Variants in SCAPER observed in about 807,000 individuals in gnomAD.
SCAPER encodes S-phase cyclin A associated protein in the ER.
In SCAPER, 98 loss-of-function variants were observed where a neutral mutation model predicts 182.2. The ratio of observed to expected loss-of-function variants is 0.54; its 90% CI spans 0.46 to 0.64. SCAPER has a LOEUF of 0.64. Among genes scored for constraint, SCAPER ranks in the 30% least tolerant of loss-of-function variants. The probability of loss-of-function intolerance (pLI) is 0.00; values close to 1 mark genes in which losing one functional copy is unlikely to be tolerated. For synonymous variants in SCAPER, 605 were observed against 564.6 expected, an observed-to-expected ratio of 1.07 and a Z score of -1.01; for missense variants, 1,432 against 1,690.0, an observed-to-expected ratio of 0.85 and a Z score of 2.68.
intron 26 of SCAPER, among the ~76,000 whole-genome samples, chr15:76,431,728 G>A (rs55831658): frequency 1.2e-4 from 15 of 121,242 alleles, no homozygotes; most frequent in Non-Finnish European, 2.2e-4. Flanking sequence ...AAACTAGGCA[G>A]ATGTGAAATA....
intron 23 of SCAPER, among the ~76,000 whole-genome samples, chr15:76,573,782 G>T (rs917341029): frequency 6.6e-6 from 1 of 152,038 alleles, no homozygotes; most frequent in Non-Finnish European, 1.5e-5. Flanking sequence ...GGAATCAGGG[G>T]ATATTGGTGT....
At chr15:76,622,826 G>A (rs944305468) in intron 21 of SCAPER, among the ~76,000 whole-genome samples, 2 of 152,134 alleles carry the variant, frequency 1.3e-5, no homozygotes, top group Non-Finnish European at 2.9e-5. Context: ...ATATAATTTA[G>A]ATATTTGTCC....
intron 27 of SCAPER, among the ~76,000 whole-genome samples, chr15:76,387,304 T>A (rs2043353446): frequency 6.6e-6 from 1 of 152,212 alleles, no homozygotes; most frequent in Non-Finnish European, 1.5e-5. Context: ...CTATTATACA[T>A]CACAGTGGAG....
At chr15:76,619,459 CG>C (rs1567617767) in intron 22 of SCAPER, among the ~76,000 whole-genome samples, 1 of 152,054 alleles carries the variant, frequency 6.6e-6, no homozygotes, top group Admixed American at 6.6e-5. Flanking sequence ...AGTGGAATGG[CG>C]GGGAGTATGT....
intron 23 of SCAPER, among the ~76,000 whole-genome samples, chr15:76,557,330 G>T (rs1819762477): frequency 6.6e-6 from 1 of 152,180 alleles, no homozygotes; most frequent in East Asian, 1.9e-4. Context: ...AACTAAGCTG[G>T]AGATATCACA....
intron 8 of SCAPER, among the ~76,000 whole-genome samples, chr15:76,776,072 T>C (rs975634159): frequency 5.9e-5 from 9 of 152,114 alleles, no homozygotes; most frequent in Non-Finnish European, 7.4e-5. Flanking sequence ...CTCTGAGAGA[T>C]AGACTACAGT....
At chr15:76,435,228 A>T (rs2047120056) in intron 25 of SCAPER, among the ~76,000 whole-genome samples, 1 of 152,208 alleles carries the variant, frequency 6.6e-6, no homozygotes, top group Non-Finnish European at 1.5e-5. Context: ...AAGAATCAGA[A>T]CATCTGTTAA....
chr15:76,412,193 C>T (rs1043389733), intron 26 of SCAPER, among the ~76,000 whole-genome samples: 10 of 152,050 alleles, frequency 6.6e-5, no homozygotes, highest in South Asian at 2.1e-4. Flanking sequence ...AATCAACTGA[C>T]GAGAGGTTGC....
chr15:76,903,670 T>G (rs182233343), intron 1 of SCAPER, among the ~76,000 whole-genome samples: 1 of 152,210 alleles, frequency 6.6e-6, no homozygotes, highest in Non-Finnish European at 1.5e-5. Flanking sequence ...CCACTCAGTC[T>G]GAGGTATTTT....
At chr15:76,843,058 T>C (rs1428393215) in intron 4 of SCAPER, among the ~76,000 whole-genome samples, 2 of 152,240 alleles carry the variant, frequency 1.3e-5, no homozygotes, top group Non-Finnish European at 2.9e-5. Flanking sequence ...TATGAAATTA[T>C]CAAAACTACT....
chr15:76,765,312 T>C (rs1277988094), intron 13 of SCAPER, 25 bp downstream of exon 13: 1 of 1,570,108 alleles, frequency 6.4e-7, no homozygotes, highest in Middle Eastern at 1.7e-4. Context: ...GTGAACCATT[T>C]CAAATTAATT....
chr15:76,869,183 A>ATTT lies in SCAPER; in HGVS notation c.7-6651_7-6650insAAA, dbSNP rs1221732276. Among the ~76,000 whole-genome samples, 481 of 152,314 alleles carry ATTT rather than the reference A, an allele frequency of 3.2e-3. 3 individuals carry two copies. The highest frequency in any genetic ancestry group is 6.0e-3 in the South Asian group (29 of 4,830). ...ACTACTAAAATAAAACTTAAAAGAA[A>ATTT]TGCTCCAGGATATTTGTCTGGGTAA... On this transcript the variant is annotated intron_variant, in intron 2 of 31. Transcript: ENST00000563290.
intron 22 of SCAPER, among the ~76,000 whole-genome samples, chr15:76,580,935 A>G (rs1221629885): frequency 2.6e-5 from 4 of 152,132 alleles, no homozygotes; most frequent in Non-Finnish European, 5.9e-5. Flanking sequence ...AAAGGACCCA[A>G]ACAAATAAAA....
At chr15:76,550,796 T>C (rs2045702601) in intron 23 of SCAPER, among the ~76,000 whole-genome samples, 1 of 152,008 alleles carries the variant, frequency 6.6e-6, no homozygotes, top group Admixed American at 6.6e-5. Flanking sequence ...GTTGAGCTAA[T>C]TTACATTTCC....
At chr15:76,574,064 G>T in intron 23 of SCAPER, 94 bp downstream of exon 23, 1 of 1,262,476 alleles carries the variant, frequency 7.9e-7, no homozygotes, top group Non-Finnish European at 1.1e-6. Flanking sequence ...CAGAAGAAAG[G>T]TATATACTGA....
intron 9 of SCAPER, 139 bp downstream of exon 9, chr15:76,774,716 T>C (rs772502655): frequency 7.5e-6 from 6 of 798,500 alleles, no homozygotes; most frequent in Non-Finnish European, 1.1e-5. Context: ...GTTCTATTCT[T>C]GCCACTTTTC....
intron 22 of SCAPER, among the ~76,000 whole-genome samples, chr15:76,575,121 T>C (rs1314557078): frequency 6.6e-6 from 1 of 152,186 alleles, no homozygotes; most frequent in East Asian, 1.9e-4. Flanking sequence ...GTAATAATGT[T>C]TGTTTAGCTC....
chr15:76,905,252 C>T (rs2075004599), intron 1 of SCAPER, 47 bp downstream of exon 1: 1 of 193,212 alleles, frequency 5.2e-6, no homozygotes, highest in Non-Finnish European at 1.1e-5. Flanking sequence ...CGCCCCAACC[C>T]GGACCCGCCC....
At chr15:76,600,555 T>C (rs113683217) in intron 22 of SCAPER, among the ~76,000 whole-genome samples, 1,289 of 116,038 alleles carry the variant, frequency 0.011, 145 homozygotes, top group African/African-American at 0.031. Context: ...GTTCAAGCAA[T>C]TATCCTGCCT....
Sources: gnomAD v4.1 joint callset for allele counts (sites outside exome capture counted in the v4.1 genomes callset) on GRCh38, gnomAD v4.1.1 for gene constraint, MANE v1.5 for transcripts, NCBI Gene and HGNC (gene_info 2026-07-23, HGNC 2026-07-21) for gene names.